KCNQ1: variants seen among roughly 807,000 people sequenced by gnomAD.
KCNQ1 encodes potassium voltage-gated channel subfamily KQT member 1.
A neutral mutation model predicts 72.4 loss-of-function variants in KCNQ1; 49 were observed. The ratio of observed to expected loss-of-function variants is 0.68; its 90% CI spans 0.54 to 0.86. The LOEUF is 0.86. KCNQ1 is among the 40% of genes least tolerant of loss of function. The pLI, the probability that KCNQ1 is intolerant of heterozygous loss-of-function variation, is 0.00. For missense variants in KCNQ1, 790 were observed against 945.1 expected (o/e 0.84, Z 2.15); for synonymous variants, 450 against 412.6 (o/e 1.09, Z -1.10).
Position 2,595,541 on chromosome 11 carries a change from A to G in KCNQ1, c.1393+6687A>G, listed in dbSNP as rs181360720. The stretch of plus-strand genomic sequence containing the variant: ...TCTGCTTATGCTCTATAATGAAGCA[A>G]CAAAGCCCGATGACAGTACATCTGT... On this transcript the variant is annotated intron_variant, in intron 10 of 15. Transcript: ENST00000155840. This position sits in a 1 kb window ranked among gnomAD's most constrained non-coding sequence, Gnocchi z 5.0. Among the ~76,000 whole-genome samples, 25 of 152,330 alleles carry G rather than the reference A, an allele frequency of 1.6e-4. No individual in the cohort carries two copies. Among genetic ancestry groups the G allele is most frequent in the Admixed American group, 1.6e-3 (25 of 15,300 alleles).
chr11:2,509,356 C>T lies in KCNQ1; in HGVS notation c.387-18572C>T, dbSNP rs548306787. ...ATGTTCAAGTTCAGCATCTCTGCAC[C>T]CCTTGCCTGGCAAACCCCATCTTCC... is the stretch of plus-strand genomic sequence containing the variant. On this transcript the variant is annotated intron_variant, in intron 1 of 15. Transcript: ENST00000155840. This position sits in a 1 kb window ranked among gnomAD's most constrained non-coding sequence, Gnocchi z 6.3. 3.3e-5 allele frequency among the ~76,000 whole-genome samples: 5 copies of T among 152,268 alleles called. No individual in the cohort carries two copies. Among genetic ancestry groups the T allele is most frequent in the Admixed American group, 2.6e-4 (4 of 15,292 alleles).
chr11:2,832,508 A>T (rs530257873), intron 15 of KCNQ1, among the ~76,000 whole-genome samples: 2 of 152,126 alleles, frequency 1.3e-5, no homozygotes, highest in African/African-American at 4.8e-5. Flanking sequence ...ACCTTCCCCT[A>T]CTGCAAGATC....
intron 6 of KCNQ1, among the ~76,000 whole-genome samples, chr11:2,573,228 T>G (rs1208601683): frequency 6.6e-6 from 1 of 152,146 alleles, no homozygotes; most frequent in East Asian, 1.9e-4. Context: ...AACTTGAGAT[T>G]TGAGAGGGAA....
chr11:2,766,407 C>G lies in KCNQ1; in HGVS notation c.1515-2437C>G, dbSNP rs1278706094. On this transcript the variant is annotated intron_variant, in intron 11 of 15. Coordinates refer to ENST00000155840, the MANE Select transcript of KCNQ1 (RefSeq NM_000218.3). The surrounding 1 kb of genome is among the most constrained non-coding windows in gnomAD (Gnocchi z 4.4). ...TTGTCAGCCAGGGTCTCTCAGCTCTCCTTCACGCGGCTGTTCCAGCAGGCT... is the reference window on the plus strand; with the variant it reads ...TTGTCAGCCAGGGTCTCTCAGCTCTGCTTCACGCGGCTGTTCCAGCAGGCT... Among the ~76,000 whole-genome samples the G allele has an allele frequency of 6.6e-6, 1 of 152,188 alleles. No individual in the cohort carries two copies. Among genetic ancestry groups the G allele is most frequent in the East Asian group, 1.9e-4 (1 of 5,194 alleles).
chr11:2,846,708 A>AC (rs1370556502), intron 15 of KCNQ1, among the ~76,000 whole-genome samples: 4 of 152,208 alleles, frequency 2.6e-5, no homozygotes, highest in African/African-American at 9.7e-5. Flanking sequence ...CTGGATGGCC[A>AC]CTTCCCACCC....
intron 2 of KCNQ1, among the ~76,000 whole-genome samples, chr11:2,535,296 C>A (rs1847711428): frequency 6.6e-6 from 1 of 152,170 alleles, no homozygotes; most frequent in Non-Finnish European, 1.5e-5. Context: ...CTGTCTGGGG[C>A]AGCTGGGGAC....
chr11:2,843,770 C>T (rs1001889583), intron 15 of KCNQ1, among the ~76,000 whole-genome samples: 2 of 152,376 alleles, frequency 1.3e-5, no homozygotes, highest in East Asian at 3.8e-4. Context: ...GCCGGCCGCC[C>T]GGGGCTCTCT....
chr11:2,635,725 C>A (rs1394632733), intron 10 of KCNQ1: 2 of 152,118 alleles, frequency 1.3e-5, no homozygotes, highest in East Asian at 3.8e-4. Context: ...TGAAGAAAGT[C>A]ATTGGTAGCT....
At position 2,687,051 on chromosome 11, in the gene KCNQ1, G is replaced by A. The variant is rs765209301; in HGVS notation, c.1514+24970G>A. Reference sequence around the variant, plus strand: ...AAACTCAGCAGTCCCAGCTCTGGGGGACAAGGACCCACAAAGTGATGCAAG... The same window carrying A: ...AAACTCAGCAGTCCCAGCTCTGGGGAACAAGGACCCACAAAGTGATGCAAG... On this transcript the variant is annotated intron_variant, in intron 11 of 15. Coordinates refer to ENST00000155840, the MANE Select transcript of KCNQ1 (RefSeq NM_000218.3). The surrounding 1 kb of genome is among the most constrained non-coding windows in gnomAD (Gnocchi z 5.0). The A allele has an allele frequency of 4.0e-4, 158 of 398,518 alleles. No homozygotes were observed. The highest frequency in any genetic ancestry group is 6.1e-4 in the Non-Finnish European group (137 of 226,100). The allele number at this position is 398,518 out of a possible 1,614,324, so 24.7% of individuals were successfully genotyped here.
Position 2,803,798 on chromosome 11 carries a change from T to C in KCNQ1, c.1794+25761T>C, listed in dbSNP as rs1288743774. Among the ~76,000 whole-genome samples, 1 of 151,692 alleles carries C rather than the reference T, an allele frequency of 6.6e-6. No individual in the cohort carries two copies. Among genetic ancestry groups the C allele is most frequent in the Admixed American group, 6.6e-5 (1 of 15,254 alleles). On this transcript the variant is annotated intron_variant, in intron 15 of 15. Coordinates refer to ENST00000155840, the MANE Select transcript of KCNQ1 (RefSeq NM_000218.3). The surrounding 1 kb of genome is among the most constrained non-coding windows in gnomAD (Gnocchi z 6.4). Reference sequence around the variant, plus strand: ...TCCCTCCTCCCCTCTCATCCCCACCTCGGGCCCACCAGCTCCCACCCTGCT... The same window carrying C: ...TCCCTCCTCCCCTCTCATCCCCACCCCGGGCCCACCAGCTCCCACCCTGCT...
chr11:2,767,188 T>TGTA lies in KCNQ1; in HGVS notation c.1515-1656_1515-1655insGTA, dbSNP rs34286049. 0.018 allele frequency among the ~76,000 whole-genome samples: 2,518 copies of TGTA among 139,392 alleles called. 80 individuals carry two copies. The highest frequency in any genetic ancestry group is 0.068 in the African/African-American group (2,368 of 35,020). 91.4% of individuals were successfully genotyped at this position (139,392 alleles called of 152,430 possible). On this transcript the variant is annotated intron_variant, in intron 11 of 15. Transcript: ENST00000155840. The surrounding 1 kb of genome is among the most constrained non-coding windows in gnomAD (Gnocchi z 4.6). ...TCTATATGTGTGTGTGTGTGTGTAT[T>TGTA]TTTTTTTTTCTTTGCTTAGCTAGGA...
At position 2,746,488 on chromosome 11, in the gene KCNQ1, C is replaced by T. The variant is rs915726916; in HGVS notation, c.1515-22356C>T. 4.6e-5 allele frequency among the ~76,000 whole-genome samples: 7 copies of T among 152,188 alleles called. No individual in the cohort carries two copies. The highest frequency in any genetic ancestry group is 5.9e-5 in the Non-Finnish European group (4 of 68,024). ...ATCCGTCTCCCTGGGCTCCTCTGGG[C>T]GGTGACTGTTTCCCAGGCTCTCCTT... On this transcript the variant is annotated intron_variant, in intron 11 of 15. Coordinates refer to ENST00000155840, the MANE Select transcript of KCNQ1 (RefSeq NM_000218.3). This position sits in a 1 kb window ranked among gnomAD's most constrained non-coding sequence, Gnocchi z 5.9.
chr11:2,648,975 CTTTTTCTTTTTTT>C lies in KCNQ1; in HGVS notation c.1394-12980_1394-12968del, dbSNP rs1849710408. 3 of 336,654 alleles carry C rather than the reference CTTTTTCTTTTTTT, an allele frequency of 8.9e-6. No individual in the cohort carries two copies. In the African/African-American group the frequency reaches 9.5e-5, roughly 11 times the overall value. 20.9% of individuals were successfully genotyped at this position (336,654 alleles called of 1,614,324 possible). On this transcript the variant is annotated intron_variant, in intron 10 of 15. Coordinates refer to ENST00000155840, the MANE Select transcript of KCNQ1 (RefSeq NM_000218.3). ...TAATGACCTCCTTTGTCTCTTTTTT[CTTTTTCTTTTTTT>C]TTTTTTTTTTTTTTTTGACTCAGTA...
rs1050887267 is a variant in KCNQ1, at chr11:2,704,326, G to T, written c.1514+42245G>T. ...CAACTTGATGGTTTCAGGTACATGG[G>T]CCTGTTGTCAACTCTGTTCCCACTG... On this transcript the variant is annotated intron_variant, in intron 11 of 15. Coordinates refer to ENST00000155840, the MANE Select transcript of KCNQ1 (RefSeq NM_000218.3). This position sits in a 1 kb window ranked among gnomAD's most constrained non-coding sequence, Gnocchi z 4.3. Among the ~76,000 whole-genome samples the T allele has an allele frequency of 1.3e-4, 20 of 152,328 alleles. No individual in the cohort carries two copies. Among genetic ancestry groups the T allele is most frequent in the Admixed American group, 1.2e-3 (18 of 15,304 alleles).
Position 2,787,207 on chromosome 11 carries a change from TCTC to T in KCNQ1, c.1794+9173_1794+9175del, listed in dbSNP as rs1370813365. 6.6e-6 allele frequency among the ~76,000 whole-genome samples: 1 copy of T among 152,194 alleles called. No individual in the cohort carries two copies. The highest frequency in any genetic ancestry group is 1.5e-5 in the Non-Finnish European group (1 of 68,026). On this transcript the variant is annotated intron_variant, in intron 15 of 15. Coordinates refer to ENST00000155840, the MANE Select transcript of KCNQ1 (RefSeq NM_000218.3). This position sits in a 1 kb window ranked among gnomAD's most constrained non-coding sequence, Gnocchi z 6.3. Reference sequence around the variant, plus strand: ...CATGACTTTCCAGGACAGAACTTGTTCTCCTTCTCTTAGCAGTAATGCAGTTTT... The same window carrying T: ...CATGACTTTCCAGGACAGAACTTGTTCTTCTCTTAGCAGTAATGCAGTTTT...
intron 10 of KCNQ1, among the ~76,000 whole-genome samples, chr11:2,605,416 G>A (rs1368904183): frequency 6.6e-6 from 1 of 152,046 alleles, no homozygotes; most frequent in Non-Finnish European, 1.5e-5. Context: ...GAATTTTATA[G>A]CTTTATCTGT....
intron 6 of KCNQ1, among the ~76,000 whole-genome samples, chr11:2,576,395 T>C (rs1393227489): frequency 6.6e-6 from 1 of 152,224 alleles, no homozygotes; most frequent in African/African-American, 2.4e-5. Flanking sequence ...ATTTAAGACT[T>C]TTCTTTGCCC....
At chr11:2,738,077 C>T (rs1363638314) in intron 11 of KCNQ1, among the ~76,000 whole-genome samples, 3 of 152,148 alleles carry the variant, frequency 2.0e-5, no homozygotes, top group East Asian at 1.9e-4. Context: ...ACTGCTGGCC[C>T]CAGGAGCCTG....
chr11:2,747,467 G>T (rs1846159037), intron 11 of KCNQ1, among the ~76,000 whole-genome samples: 1 of 152,196 alleles, frequency 6.6e-6, no homozygotes, highest in Non-Finnish European at 1.5e-5. Flanking sequence ...GGGGCAGCCG[G>T]TGCTTGGTCC....
Sources: gnomAD v4.1 joint callset for allele counts (sites outside exome capture counted in the v4.1 genomes callset) on GRCh38, gnomAD v4.1.1 for gene constraint, Gnocchi (gnomAD v3.1) non-coding constraint, MANE v1.5 for transcripts, NCBI Gene and HGNC (gene_info 2026-07-23, HGNC 2026-07-21) for gene names.